The following CHMP4B variants were observed in gnomAD, a reference collection of about 807,000 sequenced individuals.
CHMP4B encodes charged multivesicular body protein 4B.
In CHMP4B, 1 loss-of-function variant was observed where a neutral mutation model predicts 25.1. That is an observed-to-expected ratio of 0.04 (90% CI 0.01 to 0.19). The LOEUF (loss-of-function observed/expected upper bound fraction) is 0.19. Ranked by LOEUF, CHMP4B falls within the 10% of genes least tolerant of loss-of-function variation. CHMP4B has a pLI of 1.00. For synonymous variants in CHMP4B, 101 were observed against 115.6 expected (o/e 0.87, Z 0.81); for missense variants, 151 against 289.7 (o/e 0.52, Z 3.48).
chr20:33,819,624 C>T (rs1020976343), intron 1 of CHMP4B, among the ~76,000 whole-genome samples: 4 of 152,186 alleles, frequency 2.6e-5, no homozygotes, highest in African/African-American at 4.8e-5. Context: ...GAAAGCTATA[C>T]ATCCCTCTGG....
At chr20:33,812,318 T>C (rs1408181037) in intron 1 of CHMP4B, among the ~76,000 whole-genome samples, 2 of 152,196 alleles carry the variant, frequency 1.3e-5, no homozygotes, top group South Asian at 2.1e-4. Flanking sequence ...TTTTCCAGCG[T>C]TGTGATTCAC....
intron 1 of CHMP4B, among the ~76,000 whole-genome samples, chr20:33,846,784 G>A (rs1224670734): frequency 6.6e-6 from 1 of 152,168 alleles, no homozygotes; most frequent in African/African-American, 2.4e-5. Flanking sequence ...CAGGACATGG[G>A]GGAGTGTGCA....
chr20:33,818,925 T>G (rs1298899403), intron 1 of CHMP4B, among the ~76,000 whole-genome samples: 1 of 152,148 alleles, frequency 6.6e-6, no homozygotes. Context: ...TTTGTTTTTT[T>G]TTGAGATGGA....
intron 1 of CHMP4B, among the ~76,000 whole-genome samples, chr20:33,828,598 A>G (rs758458543): frequency 2.6e-5 from 4 of 152,186 alleles, no homozygotes; most frequent in African/African-American, 9.6e-5. Flanking sequence ...ACCAGGCTGA[A>G]CAAGGCACTG....
At chr20:33,851,474 G>C (rs1420756552) in intron 3 of CHMP4B, among the ~76,000 whole-genome samples, 1 of 152,062 alleles carries the variant, frequency 6.6e-6, no homozygotes. Context: ...CGGGGTATCT[G>C]TCTAGATCTC....
At chr20:33,812,150 A>G (rs1335433508) in intron 1 of CHMP4B, among the ~76,000 whole-genome samples, 1 of 152,074 alleles carries the variant, frequency 6.6e-6, no homozygotes, top group Non-Finnish European at 1.5e-5. Flanking sequence ...CTCGTTGAAA[A>G]GCCTCCTTGC....
At chr20:33,842,896 G>C (rs908605654) in intron 1 of CHMP4B, among the ~76,000 whole-genome samples, 3 of 152,154 alleles carry the variant, frequency 2.0e-5, no homozygotes, top group Non-Finnish European at 2.9e-5. Flanking sequence ...GGCATCTATT[G>C]AGGTGCCCTG....
chr20:33,831,767 G>A (rs1979258828), intron 1 of CHMP4B, among the ~76,000 whole-genome samples: 1 of 152,038 alleles, frequency 6.6e-6, no homozygotes. Context: ...ATATACAGTT[G>A]TAATCGACAG....
chr20:33,834,570 C>T (rs191338637), intron 1 of CHMP4B, among the ~76,000 whole-genome samples: 2 of 152,280 alleles, frequency 1.3e-5, no homozygotes, highest in Middle Eastern at 3.4e-3. Context: ...AGCTGAGGTC[C>T]ATTTGAGATT....
chr20:33,832,418 A>G (rs1039661935), intron 1 of CHMP4B, among the ~76,000 whole-genome samples: 1 of 152,124 alleles, frequency 6.6e-6, no homozygotes, highest in Non-Finnish European at 1.5e-5. Flanking sequence ...CAGTGCCTTC[A>G]TTCCACCCGA....
chr20:33,811,801 C>T, intron 1 of CHMP4B, 143 bp downstream of exon 1: 1 of 812,176 alleles, frequency 1.2e-6, no homozygotes, highest in Non-Finnish European at 2.1e-6. Context: ...GTCTGGGACC[C>T]CCTCCCCGAC....
intron 1 of CHMP4B, among the ~76,000 whole-genome samples, chr20:33,824,465 G>A (rs1345218276): frequency 2.0e-5 from 3 of 152,228 alleles, no homozygotes; most frequent in Non-Finnish European, 2.9e-5. Context: ...TGACTGGACC[G>A]TGTTATACAC....
At chr20:33,847,544 A>T (rs1979719756) in intron 1 of CHMP4B, among the ~76,000 whole-genome samples, 1 of 152,160 alleles carries the variant, frequency 6.6e-6, no homozygotes, top group Non-Finnish European at 1.5e-5. Flanking sequence ...TTTTGGTCCC[A>T]GTTCTGCCAC....
chr20:33,838,632 T>G (rs952647043), intron 1 of CHMP4B, among the ~76,000 whole-genome samples: 1 of 152,198 alleles, frequency 6.6e-6, no homozygotes, highest in African/African-American at 2.4e-5. Flanking sequence ...TGATCGCTGT[T>G]TAAATGAAAT....
chr20:33,839,129 A>G (rs926391685), intron 1 of CHMP4B, among the ~76,000 whole-genome samples: 1 of 152,148 alleles, frequency 6.6e-6, no homozygotes, highest in Non-Finnish European at 1.5e-5. Context: ...ACACAGGAAA[A>G]AAGTGGGCAA....
intron 2 of CHMP4B, among the ~76,000 whole-genome samples, chr20:33,850,319 G>A (rs936181179): frequency 1.3e-5 from 2 of 152,184 alleles, no homozygotes; most frequent in South Asian, 2.1e-4. Flanking sequence ...TCATTGGACC[G>A]AGCTGCTTGA....
intron 1 of CHMP4B, among the ~76,000 whole-genome samples, chr20:33,812,784 A>G (rs370223400): frequency 6.6e-6 from 1 of 152,186 alleles, no homozygotes; most frequent in Non-Finnish European, 1.5e-5. Context: ...TGCTCAGCAC[A>G]TAGTAGGGGC....
At chr20:33,826,909 G>A (rs868621507) in intron 1 of CHMP4B, among the ~76,000 whole-genome samples, 9 of 152,188 alleles carry the variant, frequency 5.9e-5, no homozygotes, top group South Asian at 2.1e-4. Context: ...TCAGTTAGTT[G>A]TGATCTTTGG....
At chr20:33,821,821 TTTTC>T (rs758684999) in intron 1 of CHMP4B, among the ~76,000 whole-genome samples, 3 of 152,018 alleles carry the variant, frequency 2.0e-5, no homozygotes, top group African/African-American at 4.8e-5. Flanking sequence ...TTTCTTTTCT[TTTTC>T]TTTCTTTCTT....
Sources: allele counts gnomAD v4.1 joint callset (sites outside exome capture counted in the v4.1 genomes callset), GRCh38; gene constraint gnomAD v4.1.1; transcripts MANE v1.5; gene names NCBI Gene and HGNC (gene_info 2026-07-23, HGNC 2026-07-21).